Variants in NOS3 observed in about 807,000 individuals in gnomAD.
NOS3 encodes NOS type III.
In NOS3, 98 loss-of-function variants were observed where a neutral mutation model predicts 144.9. The ratio of observed to expected loss-of-function variants is 0.68; its 90% CI spans 0.57 to 0.80. The LOEUF is 0.80. Among genes scored for constraint, NOS3 ranks in the 30% least tolerant of loss-of-function variants. The pLI is 0.00. For synonymous variants in NOS3, 714 were observed against 702.4 expected (o/e 1.02, Z -0.26); for missense variants, 1,465 against 1,656.4 (o/e 0.88, Z 2.01).
chr7:151,004,765 G>T (rs1563224844), intron 14 of NOS3, among the ~76,000 whole-genome samples: 1 of 152,228 alleles, frequency 6.6e-6, no homozygotes, highest in Non-Finnish European at 1.5e-5. Context: ...GAAATTAGGA[G>T]AGGAGTTAGT....
chr7:151,003,532 A>G lies in NOS3; in HGVS notation c.1752+1228A>G, dbSNP rs1795158933. ...CTTTTCAAGAAAAATAGCACCAGCA[A>G]TTGACTTTTTTTTAGCATAAAGGTG... On this transcript the variant is annotated intron_variant, in intron 14 of 26. Transcript: ENST00000297494. The surrounding 1 kb of genome is among the most constrained non-coding windows in gnomAD (Gnocchi z 4.1). 5 of 1,270,714 alleles carry G rather than the reference A, an allele frequency of 3.9e-6. No individual in the cohort carries two copies. The highest frequency in any genetic ancestry group is 1.5e-5 in the African/African-American group (1 of 64,590). The allele number at this position is 1,270,714 out of a possible 1,614,324, so 78.7% of individuals were successfully genotyped here. A position where few individuals can be genotyped will look rare whatever the true frequency, so the allele number is the denominator to read the frequency against.
chr7:151,000,632 G>C, intron 10 of NOS3, 33 bp downstream of exon 10: 2 of 1,454,952 alleles, frequency 1.4e-6, no homozygotes, highest in African/African-American at 1.4e-5. Context: ...GGAAGGCAAA[G>C]GGTTTGCATA....
chr7:150,999,043 T>C lies in NOS3; in HGVS notation c.914T>C (p.Leu305Pro), dbSNP rs1255330439. 6.2e-7 allele frequency: 1 copy of C among 1,612,564 alleles called. No individual in the cohort carries two copies. Among genetic ancestry groups the C allele is most frequent in the East Asian group, 2.2e-5 (1 of 44,876 alleles). Residue 305 changes from leucine to proline, a missense_variant, in exon 8 of 27, where the codon CTG becomes CCG. Physicochemically the swap from Leu to Pro is moderately conservative, Grantham distance 98. Around this residue, in one of 5 missense-constraint regions of NOS3, gnomAD observed 745 missense variants for 853.9 expected, o/e 0.87. Transcript: ENST00000297494. ...GATGATCCCCCAGAACTCTTCCTTC[T>C]GCCCCCCGAGCTGGTCCTTGAGGTG... ...APDDPPELFL[L>P]PPELVLEVPL...
At chr7:151,006,519 A>C in intron 15 of NOS3, 25 bp downstream of exon 15, 1 of 1,580,260 alleles carries the variant, frequency 6.3e-7, no homozygotes, top group Non-Finnish European at 8.7e-7. Context: ...AGTTTGGGGG[A>C]GCTGGGGGAG....
chr7:150,995,179 G>A (rs750699248), intron 2 of NOS3, 24 bp from the exon 3 acceptor site: 2 of 1,363,828 alleles, frequency 1.5e-6, no homozygotes, highest in East Asian at 4.6e-5. Context: ...CCTTCCTGAT[G>A]ACCCTATCCC....
chr7:151,013,224 C>T lies in NOS3; in HGVS notation c.3107-7C>T. On this transcript the variant is annotated splice_polypyrimidine_tract_variant and splice_region_variant and intron_variant, in intron 24 of 26. Transcript: ENST00000297494. ...AAGAGCCTTCCCAAGCGCGGGGTTG[C>T]TTGCAGGGCTGCAGCCCACTCCCAT... 6.2e-7 allele frequency: 1 copy of T among 1,610,296 alleles called. No individual in the cohort carries two copies. The highest frequency in any genetic ancestry group is 8.5e-7 in the Non-Finnish European group (1 of 1,177,838).
At position 151,009,645 on chromosome 7, in the gene NOS3, G is replaced by A. The variant is rs1795264221; in HGVS notation, c.2512+60G>A. 2.1e-6 allele frequency: 3 copies of A among 1,403,022 alleles called. No homozygotes were observed. In the South Asian group the frequency reaches 4.3e-5, roughly 20 times the overall value. The allele number at this position is 1,403,022 out of a possible 1,614,324, so 86.9% of individuals were successfully genotyped here. On this transcript the variant is annotated intron_variant, in intron 20 of 26. Coordinates refer to ENST00000297494, the MANE Select transcript of NOS3 (RefSeq NM_000603.5). Reference sequence around the variant, plus strand: ...AGCCCCATGCCCAGCCCCACCCCCGGCCCCAGGCCTCCAGGAGCTCAGGAC... The same window carrying A: ...AGCCCCATGCCCAGCCCCACCCCCGACCCCAGGCCTCCAGGAGCTCAGGAC...
At position 151,003,076 on chromosome 7, in the gene NOS3, G is replaced by C; in HGVS notation, c.1752+772G>C. 2.5e-6 allele frequency: 1 copy of C among 401,508 alleles called. No individual in the cohort carries two copies. The highest frequency in any genetic ancestry group is 4.9e-6 in the Non-Finnish European group (1 of 202,260). The allele number at this position is 401,508 out of a possible 1,614,324, so 24.9% of individuals were successfully genotyped here. Reference sequence around the variant, plus strand: ...TCATTTCTGAGTCTTACCTGCTCCAGCTTCTAGGTGTTAAAGGCCTTATTA... The same window carrying C: ...TCATTTCTGAGTCTTACCTGCTCCACCTTCTAGGTGTTAAAGGCCTTATTA... On this transcript the variant is annotated intron_variant, in intron 14 of 26. Coordinates refer to ENST00000297494, the MANE Select transcript of NOS3 (RefSeq NM_000603.5). The surrounding 1 kb of genome is among the most constrained non-coding windows in gnomAD (Gnocchi z 4.1).
Position 150,996,393 on chromosome 7 carries a change from C to G in NOS3, c.271-11C>G. ...CTGGCCTGTCCTGACCTTTGCACTC[C>G]CTCGACCCAGGATGGGCCCTGCACC... On this transcript the variant is annotated splice_polypyrimidine_tract_variant and intron_variant, in intron 3 of 26. Coordinates refer to ENST00000297494, the MANE Select transcript of NOS3 (RefSeq NM_000603.5). 6.7e-7 allele frequency: 1 copy of G among 1,492,622 alleles called. No individual in the cohort carries two copies. The highest frequency in any genetic ancestry group is 8.9e-7 in the Non-Finnish European group (1 of 1,121,790). 92.5% of individuals were successfully genotyped at this position (1,492,622 alleles called of 1,614,324 possible).
chr7:151,003,523 G>C lies in NOS3; in HGVS notation c.1752+1219G>C. 2.4e-6 allele frequency: 3 copies of C among 1,264,052 alleles called. No homozygotes were observed. In the South Asian group the frequency reaches 4.0e-5, roughly 17 times the overall value. The allele number at this position is 1,264,052 out of a possible 1,614,324, so 78.3% of individuals were successfully genotyped here. On this transcript the variant is annotated intron_variant, in intron 14 of 26. Coordinates refer to ENST00000297494, the MANE Select transcript of NOS3 (RefSeq NM_000603.5). This position sits in a 1 kb window ranked among gnomAD's most constrained non-coding sequence, Gnocchi z 4.1. ...CTGACCTACCTTTTCAAGAAAAATA[G>C]CACCAGCAATTGACTTTTTTTTAGC... is the stretch of plus-strand genomic sequence containing the variant.
Position 150,995,307 on chromosome 7 carries a change from C to A in NOS3, c.263C>A (p.Ala88Glu), listed in dbSNP as rs1031908196. 3 of 1,609,178 alleles carry A rather than the reference C, an allele frequency of 1.9e-6. No homozygotes were observed. The highest frequency in any genetic ancestry group is 3.3e-5 in the Admixed American group (2 of 59,914). The change falls in exon 3 of 27, where the codon GCG (alanine) becomes GAG (glutamate). Residue 88 changes from alanine to glutamate, a missense_variant. Transcript: ENST00000297494. ...SITYDTLSAQ[A>E]QQDGPCTPRR... The stretch of plus-strand genomic sequence containing the variant: ...ACCTATGACACCCTCAGCGCCCAGG[C>A]GCAGCAGGTAAGGCCGGCATGCCCT...
chr7:150,999,553 T>C (rs1163408311), intron 9 of NOS3, among the ~76,000 whole-genome samples, 189 bp downstream of exon 9: 1 of 149,010 alleles, frequency 6.7e-6, no homozygotes, highest in African/African-American at 2.5e-5. Flanking sequence ...GGGGTGTGTG[T>C]GGGGGTGTGA....
intron 20 of NOS3, 75 bp downstream of exon 20, chr7:151,009,660 G>C (rs933554659): frequency 1.9e-5 from 26 of 1,348,118 alleles, no homozygotes; most frequent in Non-Finnish European, 2.5e-5. Flanking sequence ...AGGCCTCCAG[G>C]AGCTCAGGAC....
In NOS3 at chr7:150,994,000, G is replaced by A; in HGVS notation, c.158+39G>A. 3 of 1,533,812 alleles carry A rather than the reference G, an allele frequency of 2.0e-6. No individual in the cohort carries two copies. Among genetic ancestry groups the A allele is most frequent in the Non-Finnish European group, 2.6e-6 (3 of 1,145,404 alleles). ...AGCTAGGAGCAGGTGGGCAACAAGG[G>A]TGGTGTCAAGGCCTGAAGCCTGGGG... On this transcript the variant is annotated intron_variant, in intron 2 of 26. Coordinates refer to ENST00000297494, the MANE Select transcript of NOS3 (RefSeq NM_000603.5). The surrounding 1 kb of genome is among the most constrained non-coding windows in gnomAD (Gnocchi z 4.0).
chr7:151,006,571 G>A (rs1414144599), intron 15 of NOS3, 77 bp downstream of exon 15: 1 of 1,254,186 alleles, frequency 8.0e-7, no homozygotes, highest in African/African-American at 1.5e-5. Context: ...GGTCTGAAAA[G>A]CTCTCCCTCT....
Position 151,014,199 on chromosome 7 carries a change from G to A in NOS3, c.*30G>A. On this transcript the variant is annotated 3_prime_UTR_variant, in exon 27 of 27. Transcript: ENST00000297494. ...CGCCTGGCTTTCCCTTCCAGTTCCG[G>A]GAGAGCGGCTGCCCGACTCAGGTCC... 1 of 1,578,150 alleles carries A rather than the reference G, an allele frequency of 6.3e-7. No homozygotes were observed. The highest frequency in any genetic ancestry group is 1.1e-5 in the South Asian group (1 of 89,010).
Position 151,014,368 on chromosome 7 carries a change from G to A in NOS3, c.*199G>A. On this transcript the variant is annotated 3_prime_UTR_variant, in exon 27 of 27. Transcript: ENST00000297494. ...TCTCTAGGCCTGTTGCCTCGGGCCT[G>A]GGTCCGCCTTAATCTGGAAGGCCCC... The A allele has an allele frequency of 1.7e-6, 1 of 595,620 alleles. No homozygotes were observed. Among genetic ancestry groups the A allele is most frequent in the Non-Finnish European group, 2.8e-6 (1 of 355,084 alleles). 36.9% of individuals were successfully genotyped at this position (595,620 alleles called of 1,614,324 possible). A position where few individuals can be genotyped will look rare whatever the true frequency, so the allele number is the denominator to read the frequency against.
rs1795141011 is a variant in NOS3 at position 151,002,903 on chromosome 7, C to G, written c.1752+599C>G. 5 of 192,688 alleles carry G rather than the reference C, an allele frequency of 2.6e-5. No individual in the cohort carries two copies. In the South Asian group the frequency reaches 3.8e-4, roughly 15 times the overall value. The allele number at this position is 192,688 out of a possible 1,614,324, so 11.9% of individuals were successfully genotyped here. ...CAAGAGATCCTCCTGCCGCAGGCTCCTTTTTCAAAAGAAGAAATTGAGCGC... is the reference window on the plus strand; with the variant it reads ...CAAGAGATCCTCCTGCCGCAGGCTCGTTTTTCAAAAGAAGAAATTGAGCGC... On this transcript the variant is annotated intron_variant, in intron 14 of 26. Transcript: ENST00000297494. This position sits in a 1 kb window ranked among gnomAD's most constrained non-coding sequence, Gnocchi z 4.1.
chr7:151,005,236 G>A (rs1265059521), intron 14 of NOS3, among the ~76,000 whole-genome samples: 1 of 152,170 alleles, frequency 6.6e-6, no homozygotes, highest in Non-Finnish European at 1.5e-5. Flanking sequence ...TGCACCTCTG[G>A]ACTTGTGTTG....
Sources: allele counts gnomAD v4.1 joint callset (sites outside exome capture counted in the v4.1 genomes callset), GRCh38; gene constraint gnomAD v4.1.1; regional missense constraint gnomAD v4.1.1; non-coding constraint Gnocchi (gnomAD v3.1); transcripts MANE v1.5; gene names NCBI Gene and HGNC (gene_info 2026-07-23, HGNC 2026-07-21).